The following MAGOH variants were observed in gnomAD, a reference collection of about 807,000 sequenced individuals.
MAGOH encodes the protein protein mago nashi homolog.
MAGOH carries 3 observed loss-of-function variants against 20.9 expected under a neutral mutation model. That is an observed-to-expected ratio of 0.14 (90% CI 0.07 to 0.37). The LOEUF (loss-of-function observed/expected upper bound fraction) is 0.37. Among genes scored for constraint, MAGOH ranks in the 10% least tolerant of loss-of-function variants. The probability of loss-of-function intolerance (pLI) is 1.00; values close to 1 mark genes in which losing one functional copy is unlikely to be tolerated. For synonymous variants in MAGOH, 51 were observed against 61.0 expected, an observed-to-expected ratio of 0.84 and a Z score of 0.76; for missense variants, 66 against 178.1, an observed-to-expected ratio of 0.37 and a Z score of 3.58.
intron 1 of MAGOH, among the ~76,000 whole-genome samples, chr1:53,237,673 CA>C (rs1231950502): frequency 0.017 from 925 of 55,332 alleles, 10 homozygotes; most frequent in African/African-American, 0.047. Flanking sequence ...AAAGCCGTCT[CA>C]AAAAAAAAAA....
chr1:53,235,715 T>C, intron 1 of MAGOH, 80 bp from the exon 2 acceptor site: 1 of 1,083,518 alleles, frequency 9.2e-7, no homozygotes, highest in Non-Finnish European at 1.4e-6. Flanking sequence ...GCATCAGCAG[T>C]TGCCCAAAAT....
At chr1:53,229,730 G>A (rs774821352) in intron 3 of MAGOH, among the ~76,000 whole-genome samples, 16 of 152,108 alleles carry the variant, frequency 1.1e-4, no homozygotes, top group Admixed American at 4.6e-4. Context: ...ACCTGTCTGG[G>A]CAACTTGGCT....
At chr1:53,237,722 G>A (rs1645619873) in intron 1 of MAGOH, among the ~76,000 whole-genome samples, 1 of 141,802 alleles carries the variant, frequency 7.1e-6, no homozygotes, top group African/African-American at 2.6e-5. Context: ...TTTTTACCGT[G>A]GTCTATAAAG....
intron 1 of MAGOH, among the ~76,000 whole-genome samples, chr1:53,236,243 C>G (rs962852863): frequency 6.6e-6 from 1 of 152,230 alleles, no homozygotes; most frequent in African/African-American, 2.4e-5. Flanking sequence ...TTTATTCCAA[C>G]AGCCTCTGTG....
intron 1 of MAGOH, among the ~76,000 whole-genome samples, chr1:53,237,902 A>G (rs114000572): frequency 0.023 from 3,483 of 152,036 alleles, 146 homozygotes; most frequent in African/African-American, 0.079. Context: ...TATGAGCTTC[A>G]CAAGGCTGAG....
At chr1:53,238,306 C>T (rs761327502) in intron 1 of MAGOH, 55 bp downstream of exon 1, 12 of 1,559,738 alleles carry the variant, frequency 7.7e-6, no homozygotes, top group Non-Finnish European at 1.1e-5. Context: ...GGCCTCCCCA[C>T]TCGCCGGCCC....
intron 3 of MAGOH, 79 bp downstream of exon 3, chr1:53,233,463 A>G: frequency 1.1e-6 from 1 of 936,450 alleles, no homozygotes; most frequent in Non-Finnish European, 1.7e-6. Context: ...ATAGGCAACA[A>G]AAGCTTTAAG....
chr1:53,227,320 T>C (rs1012416380), intron 4 of MAGOH, among the ~76,000 whole-genome samples, 176 bp from the exon 5 acceptor site: 2 of 152,196 alleles, frequency 1.3e-5, no homozygotes, highest in Non-Finnish European at 2.9e-5. Context: ...ATAACAATTA[T>C]TAATCTCAAC....
At chr1:53,230,572 C>A (rs1645581427) in intron 3 of MAGOH, among the ~76,000 whole-genome samples, 1 of 151,832 alleles carries the variant, frequency 6.6e-6, no homozygotes, top group South Asian at 2.1e-4. Context: ...TATGCGCCAC[C>A]ACGCCCAGTT....
chr1:53,228,310 T>C (rs1038996369), intron 4 of MAGOH, among the ~76,000 whole-genome samples: 13 of 152,064 alleles, frequency 8.5e-5, no homozygotes, highest in African/African-American at 3.1e-4. Context: ...CAGGTGCCTG[T>C]AGTCCCAGCT....
At chr1:53,234,873 C>T (rs1645604177) in intron 2 of MAGOH, among the ~76,000 whole-genome samples, 1 of 152,102 alleles carries the variant, frequency 6.6e-6, no homozygotes, top group East Asian at 1.9e-4. Flanking sequence ...TTGATGAAGC[C>T]TTAATGATGT....
At chr1:53,235,854 C>CAAA (rs1415260868) in intron 1 of MAGOH, among the ~76,000 whole-genome samples, 1 of 152,228 alleles carries the variant, frequency 6.6e-6, no homozygotes, top group Non-Finnish European at 1.5e-5. Context: ...TCAACTACTG[C>CAAA]AAAAAGCAGC....
At chr1:53,228,798 C>A in intron 4 of MAGOH, 74 bp downstream of exon 4, 1 of 1,137,682 alleles carries the variant, frequency 8.8e-7, no homozygotes, top group Admixed American at 1.7e-5. Flanking sequence ...CATAATGGTC[C>A]CAATTTGGTT....
chr1:53,231,001 T>A (rs920835904), intron 3 of MAGOH, among the ~76,000 whole-genome samples: 1 of 152,240 alleles, frequency 6.6e-6, no homozygotes, highest in African/African-American at 2.4e-5. Flanking sequence ...TAATTCCTAG[T>A]ATTTTAAATG....
At chr1:53,233,437 GTAGT>G (rs1645595868) in intron 3 of MAGOH, 101 bp downstream of exon 3, 8 of 717,212 alleles carry the variant, frequency 1.1e-5, no homozygotes, top group East Asian at 2.5e-5. Flanking sequence ...TTTGTCCATA[GTAGT>G]TAGTAAGTGA....
At chr1:53,232,017 T>C (rs971488273) in intron 3 of MAGOH, among the ~76,000 whole-genome samples, 4 of 152,218 alleles carry the variant, frequency 2.6e-5, no homozygotes, top group African/African-American at 4.8e-5. Context: ...TTGATTTTAA[T>C]TACAGTATCC....
chr1:53,233,466 G>A, intron 3 of MAGOH, 76 bp downstream of exon 3: 2 of 961,066 alleles, frequency 2.1e-6, no homozygotes, highest in East Asian at 2.4e-5. Flanking sequence ...GGCAACAAAA[G>A]CTTTAAGTGG....
chr1:53,228,895 G>A lies in MAGOH; in HGVS notation c.318C>T (p.Ser106=). 1 of 1,611,836 alleles carries A rather than the reference G, an allele frequency of 6.2e-7. No homozygotes were observed. The highest frequency in any genetic ancestry group is 8.5e-7 in the Non-Finnish European group (1 of 1,178,118). The part of the protein sequence containing the change: ...HISFTTSKIG[S]LIDVNQSKDP... ...ACTTGGATTGATTGACATCAATAAG[G>A]GAACCAATTTTTGATGTTGTAAAAG... Residue 106 remains serine (S), a synonymous_variant, in exon 4 of 5, where the codon TCC becomes TCT. Coordinates refer to ENST00000371470, the MANE Select transcript of MAGOH (RefSeq NM_002370.4).
At chr1:53,236,758 C>T (rs982854448) in intron 1 of MAGOH, among the ~76,000 whole-genome samples, 1 of 152,262 alleles carries the variant, frequency 6.6e-6, no homozygotes, top group East Asian at 1.9e-4. Flanking sequence ...CCCTCACAGT[C>T]GAGGCCTGTC....
Sources: gnomAD v4.1 joint callset for allele counts (sites outside exome capture counted in the v4.1 genomes callset) on GRCh38, gnomAD v4.1.1 for gene constraint, MANE v1.5 for transcripts, NCBI Gene and HGNC (gene_info 2026-07-23, HGNC 2026-07-21) for gene names.